Variants in C11orf96 observed in about 807,000 individuals in gnomAD.
The protein encoded by C11orf96 is uncharacterized protein C11orf96.
C11orf96 carries 6 observed loss-of-function variants against 7.6 expected under a neutral mutation model. The observed-to-expected ratio is 0.79, with a 90% CI of 0.43 to 1.55. C11orf96 has a LOEUF of 1.55. Ranked by LOEUF, C11orf96 falls within the 40% of genes most tolerant of loss-of-function variation. The pLI is 0.01. For missense variants in C11orf96, 150 were observed against 167.3 expected, an observed-to-expected ratio of 0.90 and a Z score of 0.57; for synonymous variants, 72 against 79.0, an observed-to-expected ratio of 0.91 and a Z score of 0.47.
rs1390287284 is a variant in C11orf96, at chr11:43,943,566, C to G, written c.*293C>G. ...GTGAGTGTGTGCGGGGAGGCGCGCC[C>G]GCGCTGAGTCGGCGGCGGGTAGCCA... On this transcript the variant is annotated 3_prime_UTR_variant, in exon 1 of 1. Coordinates refer to ENST00000617612, the MANE Select transcript of C11orf96 (RefSeq NM_001145033.2). The surrounding 1 kb of genome is among the most constrained non-coding windows in gnomAD (Gnocchi z 4.8). 7.6e-7 allele frequency: 1 copy of G among 1,314,780 alleles called. No homozygotes were observed. Among genetic ancestry groups the G allele is most frequent in the Non-Finnish European group, 1.0e-6 (1 of 996,198 alleles). 81.4% of individuals were successfully genotyped at this position (1,314,780 alleles called of 1,614,324 possible).
At position 43,942,948 on chromosome 11, in the gene C11orf96, AC is replaced by A; in HGVS notation, c.46del (p.Gln16ArgfsTer3). On this transcript the variant is annotated frameshift_variant, in exon 1 of 1. Coordinates refer to ENST00000617612, the MANE Select transcript of C11orf96 (RefSeq NM_001145033.2). LOFTEE classifies it high-confidence loss of function. ...PGELMGICSS[Y>X]QAVMPHFVCL... is the part of the protein sequence containing the mutation. ...GAGCTGATGGGCATCTGCTCCAGTT[AC>A]CAGGCGGTGATGCCGCACTTCGTGT... 6.8e-7 allele frequency: 1 copy of A among 1,471,046 alleles called. No individual in the cohort carries two copies. The highest frequency in any genetic ancestry group is 1.3e-5 in the South Asian group (1 of 76,456). 91.1% of individuals were successfully genotyped at this position (1,471,046 alleles called of 1,614,324 possible).
In C11orf96 at chr11:43,943,663, C is replaced by CCATTCACA. The variant is rs761709566; in HGVS notation, c.*392_*399dup. On this transcript the variant is annotated 3_prime_UTR_variant, in exon 1 of 1. Coordinates refer to ENST00000617612, the MANE Select transcript of C11orf96 (RefSeq NM_001145033.2). The surrounding 1 kb of genome is among the most constrained non-coding windows in gnomAD (Gnocchi z 4.8). ...CTCCACCGTGCCCCCCAGCGCACAC[C>CCATTCACA]CATTCACACTCACGCCAACACTCTC... is the stretch of plus-strand genomic sequence containing the variant. 3 of 1,304,990 alleles carry CCATTCACA rather than the reference C, an allele frequency of 2.3e-6. No individual in the cohort carries two copies. In the South Asian group the frequency reaches 3.7e-5, roughly 16 times the overall value. The allele number at this position is 1,304,990 out of a possible 1,614,324, so 80.8% of individuals were successfully genotyped here.
chr11:43,943,584 G>C lies in C11orf96; in HGVS notation c.*311G>C, dbSNP rs1488990560. 7.6e-7 allele frequency: 1 copy of C among 1,311,472 alleles called. No homozygotes were observed. The highest frequency in any genetic ancestry group is 1.2e-5 in the South Asian group (1 of 81,106). 81.2% of individuals were successfully genotyped at this position (1,311,472 alleles called of 1,614,324 possible). A position where few individuals can be genotyped will look rare whatever the true frequency, so the allele number is the denominator to read the frequency against. On this transcript the variant is annotated 3_prime_UTR_variant, in exon 1 of 1. Transcript: ENST00000617612. This position sits in a 1 kb window ranked among gnomAD's most constrained non-coding sequence, Gnocchi z 4.8. Reference sequence around the variant, plus strand: ...GCGCGCCCGCGCTGAGTCGGCGGCGGGTAGCCACTCCATGCCCTTGTCCGA... The same window carrying C: ...GCGCGCCCGCGCTGAGTCGGCGGCGCGTAGCCACTCCATGCCCTTGTCCGA...
In C11orf96 at chr11:43,943,359, C is replaced by T. The variant is rs1302355597; in HGVS notation, c.*86C>T. The T allele has an allele frequency of 1.0e-5, 14 of 1,389,684 alleles. No individual in the cohort carries two copies. The highest frequency in any genetic ancestry group is 3.1e-5 in the African/African-American group (2 of 64,694). 86.1% of individuals were successfully genotyped at this position (1,389,684 alleles called of 1,614,324 possible). A position where few individuals can be genotyped will look rare whatever the true frequency, so the allele number is the denominator to read the frequency against. On this transcript the variant is annotated 3_prime_UTR_variant, in exon 1 of 1. Transcript: ENST00000617612. The surrounding 1 kb of genome is among the most constrained non-coding windows in gnomAD (Gnocchi z 4.8). ...ACCCCGAGAGTGCCCGCGCCCTGCTCCCGGGGGACCCGCAAGGACCCGGGA... is the reference window on the plus strand; with the variant it reads ...ACCCCGAGAGTGCCCGCGCCCTGCTTCCGGGGGACCCGCAAGGACCCGGGA...
In C11orf96 at chr11:43,943,177, C is replaced by A; in HGVS notation, c.273C>A (p.Arg91=). The change falls in exon 1 of 1, where the codon CGC becomes CGA. Residue 91 remains arginine (R), a synonymous_variant. Coordinates refer to ENST00000617612, the MANE Select transcript of C11orf96 (RefSeq NM_001145033.2). The surrounding 1 kb of genome is among the most constrained non-coding windows in gnomAD (Gnocchi z 4.8). ...TCCTGCAGAGCCTGGAGTGCCTGCG[C>A]CGCAGCACGCAGAGCCTGTCGCTGC... ...KSFLQSLECL[R]RSTQSLSLQR... is the part of the protein sequence containing the mutation. The A allele has an allele frequency of 6.6e-7, 1 of 1,509,396 alleles. No individual in the cohort carries two copies. 93.5% of individuals were successfully genotyped at this position (1,509,396 alleles called of 1,614,324 possible).
chr11:43,943,009 C>T lies in C11orf96; in HGVS notation c.105C>T (p.Pro35=), dbSNP rs778174516. The part of the protein sequence containing the change: ...LADEFPQPVR[P]AKLPKGRGRL... ...ACGAGTTCCCGCAGCCCGTGCGGCC[C>T]GCCAAGCTGCCCAAGGGCCGGGGCC... is the stretch of plus-strand genomic sequence containing the variant. Residue 35 remains proline (P), a synonymous_variant, in exon 1 of 1, where the codon CCC becomes CCT. Transcript: ENST00000617612. The surrounding 1 kb of genome is among the most constrained non-coding windows in gnomAD (Gnocchi z 4.8). 3 of 1,507,206 alleles carry T rather than the reference C, an allele frequency of 2.0e-6. No homozygotes were observed. The highest frequency in any genetic ancestry group is 1.4e-5 in the African/African-American group (1 of 69,306). The allele number at this position is 1,507,206 out of a possible 1,614,324, so 93.4% of individuals were successfully genotyped here.
In C11orf96 at chr11:43,942,993, C is replaced by G; in HGVS notation, c.89C>G (p.Pro30Arg). 8.0e-6 allele frequency: 12 copies of G among 1,505,972 alleles called. No homozygotes were observed. The highest frequency in any genetic ancestry group is 1.1e-5 in the Non-Finnish European group (12 of 1,127,798). The allele number at this position is 1,505,972 out of a possible 1,614,324, so 93.3% of individuals were successfully genotyped here. Residue 30 changes from proline to arginine, a missense_variant, in exon 1 of 1, where the codon CCG becomes CGG. By Grantham distance (103) the Pro-to-Arg change is moderately radical (BLOSUM62 -2). This residue lies in a region of C11orf96 where 77 missense variants were observed against 80.5 expected (regional missense o/e 0.96). Transcript: ENST00000617612. ...PHFVCLADEF[P>R]QPVRPAKLPK... ...TTCGTGTGCCTGGCCGACGAGTTCC[C>G]GCAGCCCGTGCGGCCCGCCAAGCTG...
In C11orf96 at chr11:43,943,767, G is replaced by A. The variant is rs578128835; in HGVS notation, c.*494G>A. ...CGGCTGCTACTGCGTCTGGAGGATT[G>A]ATATTTATTTTTGCATTGCGATGGC... is the stretch of plus-strand genomic sequence containing the variant. On this transcript the variant is annotated 3_prime_UTR_variant, in exon 1 of 1. Transcript: ENST00000617612. This position sits in a 1 kb window ranked among gnomAD's most constrained non-coding sequence, Gnocchi z 4.8. The A allele has an allele frequency of 2.4e-5, 31 of 1,304,052 alleles. No homozygotes were observed. The highest frequency in any genetic ancestry group is 3.1e-5 in the Non-Finnish European group (31 of 988,848). The allele number at this position is 1,304,052 out of a possible 1,614,324, so 80.8% of individuals were successfully genotyped here. A position where few individuals can be genotyped will look rare whatever the true frequency, so the allele number is the denominator to read the frequency against.
rs1952130956 is a variant in C11orf96 at position 43,943,635 on chromosome 11, C to T, written c.*362C>T. ...TGGTTTGCAACTCCGATTTTGCACACCGCTCCACCGTGCCCCCCAGCGCAC... is the reference window on the plus strand; with the variant it reads ...TGGTTTGCAACTCCGATTTTGCACATCGCTCCACCGTGCCCCCCAGCGCAC... On this transcript the variant is annotated 3_prime_UTR_variant, in exon 1 of 1. Coordinates refer to ENST00000617612, the MANE Select transcript of C11orf96 (RefSeq NM_001145033.2). This position sits in a 1 kb window ranked among gnomAD's most constrained non-coding sequence, Gnocchi z 4.8. The T allele has an allele frequency of 7.7e-7, 1 of 1,305,744 alleles. No individual in the cohort carries two copies. Among genetic ancestry groups the T allele is most frequent in the East Asian group, 5.5e-5 (1 of 18,090 alleles). The allele number at this position is 1,305,744 out of a possible 1,614,324, so 80.9% of individuals were successfully genotyped here.
chr11:43,943,600 C>G lies in C11orf96; in HGVS notation c.*327C>G. 7.6e-7 allele frequency: 1 copy of G among 1,308,642 alleles called. No individual in the cohort carries two copies. The highest frequency in any genetic ancestry group is 1.0e-6 in the Non-Finnish European group (1 of 991,938). The allele number at this position is 1,308,642 out of a possible 1,614,324, so 81.1% of individuals were successfully genotyped here. On this transcript the variant is annotated 3_prime_UTR_variant, in exon 1 of 1. Transcript: ENST00000617612. This position sits in a 1 kb window ranked among gnomAD's most constrained non-coding sequence, Gnocchi z 4.8. ...TCGGCGGCGGGTAGCCACTCCATGC[C>G]CTTGTCCGATGGTTTGCAACTCCGA...
In C11orf96 at chr11:43,943,469, G is replaced by T. The variant is rs933634214; in HGVS notation, c.*196G>T. 8 of 1,409,532 alleles carry T rather than the reference G, an allele frequency of 5.7e-6. No homozygotes were observed. In the African/African-American group the frequency reaches 7.3e-5, roughly 13 times the overall value. The allele number at this position is 1,409,532 out of a possible 1,614,324, so 87.3% of individuals were successfully genotyped here. A position where few individuals can be genotyped will look rare whatever the true frequency, so the allele number is the denominator to read the frequency against. On this transcript the variant is annotated 3_prime_UTR_variant, in exon 1 of 1. Transcript: ENST00000617612. This position sits in a 1 kb window ranked among gnomAD's most constrained non-coding sequence, Gnocchi z 4.8. ...GCCGCGCTCGCCCTGGCCCGGGAGC[G>T]CCGGGAGCGGGGCCGCTTTCCTCGT... is the stretch of plus-strand genomic sequence containing the variant.
chr11:43,943,228 A>T lies in C11orf96; in HGVS notation c.324A>T (p.Lys108Asn). The change falls in exon 1 of 1, where the codon AAA (lysine) becomes AAT (asparagine). Residue 108 changes from lysine (K) to asparagine (N), a missense_variant. Around this residue, in one of 3 missense-constraint regions of C11orf96, gnomAD observed 69 missense variants for 69.1 expected, o/e 1.00. Coordinates refer to ENST00000617612, the MANE Select transcript of C11orf96 (RefSeq NM_001145033.2). The surrounding 1 kb of genome is among the most constrained non-coding windows in gnomAD (Gnocchi z 4.8). ...AGCGGGAGCAGCTCAGCAGCTGCAA[A>T]CTGAGGAACAGCCTGGACTCCAGCG... Reference protein sequence around the residue: ...SLQREQLSSCKLRNSLDSSDS... With the variant: ...SLQREQLSSCNLRNSLDSSDS... 6.6e-7 allele frequency: 1 copy of T among 1,520,362 alleles called. No homozygotes were observed. The allele number at this position is 1,520,362 out of a possible 1,614,324, so 94.2% of individuals were successfully genotyped here.
Position 43,942,715 on chromosome 11 carries a change from T to TCCGC in C11orf96, c.-175_-172dup, listed in dbSNP as rs1012541406. On this transcript the variant is annotated 5_prime_UTR_variant, in exon 1 of 1. Coordinates refer to ENST00000617612, the MANE Select transcript of C11orf96 (RefSeq NM_001145033.2). ...CCCGAGCCCCGTGCCCCCCGACGGG[T>TCCGC]CCGCCCGCCCGCCCGCCCTCCCGAG... The TCCGC allele has an allele frequency of 2.5e-4, 36 of 141,410 alleles. 2 individuals are homozygous for TCCGC. In the South Asian group the frequency reaches 5.7e-3, roughly 22 times the overall value. The allele number at this position is 141,410 out of a possible 1,614,324, so 8.8% of individuals were successfully genotyped here.
chr11:43,943,809 A>C lies in C11orf96; in HGVS notation c.*536A>C. 7.7e-7 allele frequency: 1 copy of C among 1,302,854 alleles called. No homozygotes were observed. The highest frequency in any genetic ancestry group is 1.0e-6 in the Non-Finnish European group (1 of 987,946). 80.7% of individuals were successfully genotyped at this position (1,302,854 alleles called of 1,614,324 possible). ...TGCGATGGCTGAAGGCATTTATTTA[A>C]CGATCTTTTTACCTGGATATGTCTG... On this transcript the variant is annotated 3_prime_UTR_variant, in exon 1 of 1. Coordinates refer to ENST00000617612, the MANE Select transcript of C11orf96 (RefSeq NM_001145033.2). This position sits in a 1 kb window ranked among gnomAD's most constrained non-coding sequence, Gnocchi z 4.8.
Position 43,943,858 on chromosome 11 carries a change from TAA to T in C11orf96, c.*587_*588del, listed in dbSNP as rs1197722508. The T allele has an allele frequency of 1.6e-6, 2 of 1,274,492 alleles. No individual in the cohort carries two copies. The highest frequency in any genetic ancestry group is 2.5e-5 in the Admixed American group (1 of 40,406). 78.9% of individuals were successfully genotyped at this position (1,274,492 alleles called of 1,614,324 possible). ...TGTGAGGCTCCTGAAAGGAGACAAA[TAA>T]AGTCAATATATTTGCACAGTGCAGT... On this transcript the variant is annotated 3_prime_UTR_variant, in exon 1 of 1. Coordinates refer to ENST00000617612, the MANE Select transcript of C11orf96 (RefSeq NM_001145033.2). The surrounding 1 kb of genome is among the most constrained non-coding windows in gnomAD (Gnocchi z 4.8).
rs1483057013 is a variant in C11orf96 at position 43,942,690 on chromosome 11, C to A, written c.-215C>A. 2 of 174,120 alleles carry A rather than the reference C, an allele frequency of 1.1e-5. No homozygotes were observed. The highest frequency in any genetic ancestry group is 1.1e-4 in the South Asian group (1 of 8,994). The allele number at this position is 174,120 out of a possible 1,614,324, so 10.8% of individuals were successfully genotyped here. ...CTCGGAGCGCGGCGGAACAGCGCCCCCCGAGCCCCGTGCCCCCCGACGGGT... is the reference window on the plus strand; with the variant it reads ...CTCGGAGCGCGGCGGAACAGCGCCCACCGAGCCCCGTGCCCCCCGACGGGT... On this transcript the variant is annotated 5_prime_UTR_variant, in exon 1 of 1. Coordinates refer to ENST00000617612, the MANE Select transcript of C11orf96 (RefSeq NM_001145033.2).
At position 43,943,125 on chromosome 11, in the gene C11orf96, TGGA is replaced by T. The variant is rs1436947472; in HGVS notation, c.229_231del (p.Glu77del). Reference sequence around the variant, plus strand: ...GTGGAGGAGGAGGGGGTGTCCCCCATGGAGGAGGAGAAGGCCAAGAAGTCGTTC... The same window carrying T: ...GTGGAGGAGGAGGGGGTGTCCCCCATGGAGGAGAAGGCCAAGAAGTCGTTC... On this transcript the variant is annotated inframe_deletion, in exon 1 of 1. Coordinates refer to ENST00000617612, the MANE Select transcript of C11orf96 (RefSeq NM_001145033.2). This position sits in a 1 kb window ranked among gnomAD's most constrained non-coding sequence, Gnocchi z 4.8. 2 of 1,501,846 alleles carry T rather than the reference TGGA, an allele frequency of 1.3e-6. No individual in the cohort carries two copies. Among genetic ancestry groups the T allele is most frequent in the South Asian group, 1.3e-5 (1 of 78,224 alleles). The allele number at this position is 1,501,846 out of a possible 1,614,324, so 93.0% of individuals were successfully genotyped here. A position where few individuals can be genotyped will look rare whatever the true frequency, so the allele number is the denominator to read the frequency against.
chr11:43,943,864 C>G lies in C11orf96; in HGVS notation c.*591C>G. 1 of 1,268,270 alleles carries G rather than the reference C, an allele frequency of 7.9e-7. No homozygotes were observed. The highest frequency in any genetic ancestry group is 1.4e-5 in the South Asian group (1 of 73,726). The allele number at this position is 1,268,270 out of a possible 1,614,324, so 78.6% of individuals were successfully genotyped here. A position where few individuals can be genotyped will look rare whatever the true frequency, so the allele number is the denominator to read the frequency against. ...GCTCCTGAAAGGAGACAAATAAAGT[C>G]AATATATTTGCACAGTGCAGTTTTC... On this transcript the variant is annotated 3_prime_UTR_variant, in exon 1 of 1. Coordinates refer to ENST00000617612, the MANE Select transcript of C11orf96 (RefSeq NM_001145033.2). This position sits in a 1 kb window ranked among gnomAD's most constrained non-coding sequence, Gnocchi z 4.8.
At position 43,942,815 on chromosome 11, in the gene C11orf96, G is replaced by A; in HGVS notation, c.-90G>A. The A allele has an allele frequency of 1.0e-6, 1 of 971,224 alleles. No homozygotes were observed. Among genetic ancestry groups the A allele is most frequent in the Non-Finnish European group, 1.3e-6 (1 of 795,318 alleles). The allele number at this position is 971,224 out of a possible 1,614,324, so 60.2% of individuals were successfully genotyped here. A position where few individuals can be genotyped will look rare whatever the true frequency, so the allele number is the denominator to read the frequency against. On this transcript the variant is annotated 5_prime_UTR_variant, in exon 1 of 1. Coordinates refer to ENST00000617612, the MANE Select transcript of C11orf96 (RefSeq NM_001145033.2). ...GGATCCCCCGCCCGGCGAGCCCCCG[G>A]CTGCTGCCTCCCGGGGGGCCCCGGC... is the stretch of plus-strand genomic sequence containing the variant.
Sources: gnomAD v4.1 joint callset for allele counts on GRCh38, gnomAD v4.1.1 for gene constraint, gnomAD v4.1.1 regional missense constraint, Gnocchi (gnomAD v3.1) non-coding constraint, MANE v1.5 for transcripts, NCBI Gene and HGNC (gene_info 2026-07-23, HGNC 2026-07-21) for gene names.